The following CDH8 variants were observed in gnomAD, a reference collection of about 807,000 sequenced individuals.
CDH8 encodes cadherin-8.
In CDH8, 17 loss-of-function variants were observed where a neutral mutation model predicts 68.1. The ratio of observed to expected loss-of-function variants is 0.25; its 90% confidence interval spans 0.17 to 0.37. The LOEUF is 0.37. CDH8 is among the 10% of genes least tolerant of loss of function. The pLI is 1.00. For synonymous variants in CDH8, 372 were observed against 365.1 expected (o/e 1.02, Z -0.21); for missense variants, 763 against 999.3 (o/e 0.76, Z 3.19).
chr16:61,685,056 A>G (rs1964081735), intron 10 of CDH8, among the ~76,000 whole-genome samples: 1 of 151,764 alleles, frequency 6.6e-6, no homozygotes, highest in African/African-American at 2.4e-5. Flanking sequence ...GTTTTGTATT[A>G]AATTTCTTGT....
chr16:61,863,586 G>A lies in CDH8; in HGVS notation c.548-6348C>T, dbSNP rs1024764894. On this transcript the variant is annotated intron_variant, in intron 3 of 11. Coordinates refer to ENST00000577390, the MANE Select transcript of CDH8 (RefSeq NM_001796.5). ...CAGGAAAACGACAGTTTGGTGCAGC[G>A]TAAAAATGTGCCCACTGGAAAAGCT... Among the ~76,000 whole-genome samples, 4 of 152,134 alleles carry A rather than the reference G, an allele frequency of 2.6e-5. No homozygotes were observed. In the East Asian group the frequency reaches 5.8e-4, roughly 22 times the overall value.
Position 61,647,607 on chromosome 16 carries a change from A to C in CDH8, c.*6001T>G, listed in dbSNP as rs1963232979. On this transcript the variant is annotated 3_prime_UTR_variant, in exon 12 of 12. Coordinates refer to ENST00000577390, the MANE Select transcript of CDH8 (RefSeq NM_001796.5). ...TGTACAGAAGAAATCCCAAGAAATT[A>C]ACATTTGGCTTTGGGGGGTGATCCC... The C allele has an allele frequency of 3.6e-6, 2 of 552,356 alleles. No individual in the cohort carries two copies. Among genetic ancestry groups the C allele is most frequent in the South Asian group, 2.3e-5 (1 of 43,980 alleles). 34.2% of individuals were successfully genotyped at this position (552,356 alleles called of 1,614,324 possible).
At chr16:61,694,989 C>A (rs960335629) in intron 10 of CDH8, among the ~76,000 whole-genome samples, 6 of 152,076 alleles carry the variant, frequency 3.9e-5, no homozygotes, top group Non-Finnish European at 8.8e-5. Context: ...ACCATATTGG[C>A]CAGGCTGGTC....
At chr16:61,674,946 A>C (rs59115893) in intron 10 of CDH8, among the ~76,000 whole-genome samples, 17,094 of 148,718 alleles carry the variant, frequency 0.11, 926 homozygotes, top group Non-Finnish European at 0.12. Context: ...ACAGAAAGCA[A>C]AAAAAAAAAA....
At chr16:61,703,080 T>C (rs1964462748) in intron 10 of CDH8, among the ~76,000 whole-genome samples, 1 of 152,198 alleles carries the variant, frequency 6.6e-6, no homozygotes, top group Non-Finnish European at 1.5e-5. Flanking sequence ...AACTCCCAAA[T>C]AAAATCATAG....
intron 8 of CDH8, among the ~76,000 whole-genome samples, chr16:61,747,852 T>C (rs1418404040): frequency 1.3e-5 from 2 of 152,130 alleles, no homozygotes; most frequent in African/African-American, 2.4e-5. Flanking sequence ...TCTGAATTTC[T>C]GCTGTTGCAG....
chr16:62,023,026 G>A (rs1902110988), intron 1 of CDH8, among the ~76,000 whole-genome samples: 2 of 152,124 alleles, frequency 1.3e-5, no homozygotes, highest in African/African-American at 4.8e-5. Flanking sequence ...AGAGAAAACG[G>A]AGTCCAGAAC....
chr16:61,931,723 T>C (rs560008226), intron 2 of CDH8, among the ~76,000 whole-genome samples: 2 of 152,306 alleles, frequency 1.3e-5, no homozygotes, highest in South Asian at 2.1e-4. Flanking sequence ...TAATTGTAAA[T>C]GTTAAGCAAA....
chr16:62,004,886 T>G (rs762120207), intron 2 of CDH8, among the ~76,000 whole-genome samples: 1 of 152,240 alleles, frequency 6.6e-6, no homozygotes, highest in Non-Finnish European at 1.5e-5. Flanking sequence ...GTTTCCCTTG[T>G]GCTGACCCTT....
intron 2 of CDH8, among the ~76,000 whole-genome samples, chr16:61,957,678 C>G (rs4375652): frequency 0.45 from 67,961 of 151,982 alleles, 17,338 homozygotes; most frequent in African/African-American, 0.71. Context: ...TCTGAGTATG[C>G]CAAATTTTCC....
intron 7 of CDH8, among the ~76,000 whole-genome samples, chr16:61,800,451 C>T (rs780229772): frequency 6.6e-6 from 1 of 152,218 alleles, no homozygotes; most frequent in Non-Finnish European, 1.5e-5. Flanking sequence ...CTCTTCCATA[C>T]TTGTTCTGTC....
intron 2 of CDH8, among the ~76,000 whole-genome samples, chr16:61,931,192 G>T (rs1331487665): frequency 6.6e-6 from 1 of 152,102 alleles, no homozygotes; most frequent in East Asian, 1.9e-4. Context: ...TCAGAACAGG[G>T]TTTCACTTTG....
chr16:62,031,880 C>G (rs1038061460), intron 1 of CDH8: 46 of 152,266 alleles, frequency 3.0e-4, no homozygotes, highest in African/African-American at 1.1e-3. Flanking sequence ...TAAATGGCAT[C>G]CCTTGAACTT....
At chr16:61,814,836 T>G (rs1962036402) in intron 7 of CDH8, among the ~76,000 whole-genome samples, 1 of 152,148 alleles carries the variant, frequency 6.6e-6, no homozygotes, top group Non-Finnish European at 1.5e-5. Context: ...ATTAACCAAT[T>G]GTGCATAGAG....
At chr16:61,668,226 G>C (rs1418629166) in intron 10 of CDH8, among the ~76,000 whole-genome samples, 4 of 151,912 alleles carry the variant, frequency 2.6e-5, no homozygotes, top group Non-Finnish European at 5.9e-5. Flanking sequence ...AATTAATTAT[G>C]AAAAAGTTAT....
intron 5 of CDH8, among the ~76,000 whole-genome samples, chr16:61,824,549 T>C (rs965416177): frequency 6.6e-6 from 1 of 151,854 alleles, no homozygotes; most frequent in East Asian, 2.0e-4. Flanking sequence ...CAGGGAAGAG[T>C]GGAGTCTTAC....
chr16:61,817,418 C>T, intron 7 of CDH8, 61 bp downstream of exon 7: 1 of 1,554,762 alleles, frequency 6.4e-7, no homozygotes, highest in Non-Finnish European at 8.9e-7. Flanking sequence ...CAAGCAAAGG[C>T]ATTTTTCACT....
chr16:61,994,653 T>C lies in CDH8; in HGVS notation c.252+26499A>G, dbSNP rs572800129. ...AAAAGTGTGGTCTTCAGACCAGCAT[T>C]GTCAGCATTGCGTGGGGACCTGTCA... is the stretch of plus-strand genomic sequence containing the variant. On this transcript the variant is annotated intron_variant, in intron 2 of 11. Transcript: ENST00000577390. Among the ~76,000 whole-genome samples the C allele has an allele frequency of 8.5e-5, 13 of 152,284 alleles. No homozygotes were observed. In the South Asian group the frequency reaches 2.5e-3, roughly 29 times the overall value.
intron 3 of CDH8, among the ~76,000 whole-genome samples, chr16:61,896,906 C>G (rs1963877088): frequency 6.6e-6 from 1 of 151,950 alleles, no homozygotes. Flanking sequence ...TGCTTTATAG[C>G]TAAGGAAAAT....
Sources: gnomAD v4.1 joint callset for allele counts (sites outside exome capture counted in the v4.1 genomes callset) on GRCh38, gnomAD v4.1.1 for gene constraint, MANE v1.5 for transcripts, NCBI Gene and HGNC (gene_info 2026-07-23, HGNC 2026-07-21) for gene names.